The following MTERF4 variants were observed in gnomAD, a reference collection of about 807,000 sequenced individuals.
MTERF4 encodes transcription termination factor 4, mitochondrial.
Under a neutral mutation model 22.5 loss-of-function variants are expected in MTERF4, and 17 were observed. The observed-to-expected ratio is 0.75, with a 90% CI of 0.52 to 1.13. The LOEUF is 1.13. MTERF4 is among the 50% of genes most tolerant of loss of function. The probability of loss-of-function intolerance (pLI) is 0.00; values close to 1 mark genes in which losing one functional copy is unlikely to be tolerated. For synonymous variants in MTERF4, 165 were observed against 175.3 expected (o/e 0.94, Z 0.47); for missense variants, 420 against 466.8 (o/e 0.90, Z 0.92).
intron 1 of MTERF4, chr2:241,101,118 G>A (rs1254781499): frequency 2.2e-6 from 1 of 458,438 alleles, no homozygotes; most frequent in East Asian, 7.1e-5. Context: ...CTTTATTTCT[G>A]TTATTTTCAC....
chr2:241,049,084 C>A, the MTERF4 span: 1 of 1,613,340 alleles, frequency 6.2e-7, no homozygotes, highest in African/African-American at 1.3e-5. Flanking sequence ...CTGCATGGAG[C>A]ACGGCGGGAG....
At chr2:241,094,092 T>C (rs1426977438), downstream of MTERF4, 2 of 348,192 alleles carry the variant, frequency 5.7e-6, no homozygotes, top group East Asian at 1.6e-4. This position sits in a 1 kb window ranked among gnomAD's most constrained non-coding sequence, Gnocchi z 4.3. Context: ...ATGAAAACAC[T>C]GGCACAGTGA....
At position 241,099,582 on chromosome 2, in the gene MTERF4, A is replaced by G. The variant is rs2064607728; in HGVS notation, c.334T>C (p.Leu112=). 3 of 1,614,066 alleles carry G rather than the reference A, an allele frequency of 1.9e-6. No homozygotes were observed. Residue 112 remains leucine, a synonymous_variant, in exon 2 of 4, where the codon TTG becomes CTG. Transcript: ENST00000391980. ...MGFSNAHINE[L]LSVRRGASLQ... is the part of the protein sequence containing the mutation. ...CTGGCACCTCGCCGTACACTGAGCA[A>G]TTCATTAATATGGGCATTGCTGAAA...
intron 4 of MTERF4, among the ~76,000 whole-genome samples, chr2:241,078,382 CAAAAA>C (rs60965517): frequency 5.2e-5 from 6 of 116,172 alleles, no homozygotes; most frequent in South Asian, 2.8e-4. Flanking sequence ...GACTCCGTCT[CAAAAA>C]AAAAAAAAAA....
chr2:241,099,928 C>T (rs1479536410), intron 1 of MTERF4, 34 bp from the exon 2 acceptor site: 3 of 1,597,856 alleles, frequency 1.9e-6, no homozygotes, highest in Non-Finnish European at 2.5e-6. Context: ...CAATTAATTC[C>T]TCACTATTCC....
At chr2:241,093,904 C>T (rs2064211168), downstream of MTERF4, 1 of 153,248 alleles carries the variant, frequency 6.5e-6, no homozygotes, top group Non-Finnish European at 1.5e-5. Context: ...ATTTCTGTAT[C>T]AAAATGAAAG....
the MTERF4 span, chr2:241,065,225 C>T: frequency 3.3e-5 from 49 of 1,503,988 alleles, no homozygotes; most frequent in African/African-American, 2.5e-4. Flanking sequence ...CCGGCTGAGC[C>T]GCCGACGGGA....
chr2:241,079,001 C>A (rs937943966), intron 4 of MTERF4, among the ~76,000 whole-genome samples: 1 of 150,918 alleles, frequency 6.6e-6, no homozygotes, highest in South Asian at 2.1e-4. Context: ...ATAATCCCAG[C>A]TATTCAGGAG....
chr2:241,072,673 C>G (rs951336670), exon 5 of MTERF4: 1 of 205,892 alleles, frequency 4.9e-6, no homozygotes. Flanking sequence ...AGAGAGCCCC[C>G]AGCAAGGTGT....
At chr2:241,087,541 G>A (rs1482449875), downstream of MTERF4, 10 of 1,526,838 alleles carry the variant, frequency 6.5e-6, no homozygotes, top group African/African-American at 1.5e-5. Flanking sequence ...GGGCAAGGGC[G>A]GGGTGCTATG....
rs1249649463 is a variant in MTERF4, at chr2:241,102,246, A to G, written c.21+7T>C. The G allele has an allele frequency of 3.9e-6, 6 of 1,549,300 alleles. No individual in the cohort carries two copies. The highest frequency in any genetic ancestry group is 5.2e-6 in the Non-Finnish European group (6 of 1,146,154). ...CGGAGAAGCCCGCGCGCCCAGCTCG[A>G]GCTTACCTGACGGCCGAACGCAGCC... On this transcript the variant is annotated splice_region_variant and intron_variant, in intron 1 of 3. Transcript: ENST00000391980.
At chr2:241,094,835 C>T (rs2064290469), downstream of MTERF4, 1 of 163,490 alleles carries the variant, frequency 6.1e-6, no homozygotes. This position sits in a 1 kb window ranked among gnomAD's most constrained non-coding sequence, Gnocchi z 4.3. Flanking sequence ...ATTTTGGTCC[C>T]ATCATCAAAA....
downstream of MTERF4, chr2:241,089,420 A>AAAAC (rs774998438): frequency 2.6e-6 from 4 of 1,550,058 alleles, no homozygotes; most frequent in Middle Eastern, 5.0e-4. Context: ...AAACAGAAGC[A>AAAAC]AAACAGCTTT....
At chr2:241,065,241 G>C in the MTERF4 span, 1 of 1,578,696 alleles carries the variant, frequency 6.3e-7, no homozygotes, top group Non-Finnish European at 8.6e-7. Context: ...CGGGAGCCAG[G>C]CATGCATAGC....
At chr2:241,070,152 G>A (rs760651876), downstream of MTERF4, 72 of 1,608,450 alleles carry the variant, frequency 4.5e-5, no homozygotes, top group African/African-American at 1.9e-4. Context: ...TGCAGAGCAC[G>A]GAGCTCGGGC....
chr2:241,090,374 T>C, downstream of MTERF4: 1 of 1,550,298 alleles, frequency 6.5e-7, no homozygotes. Flanking sequence ...TGATGCCTTC[T>C]TCTGGAAACC....
intron 4 of MTERF4, among the ~76,000 whole-genome samples, chr2:241,078,200 C>T (rs912280330): frequency 9.3e-5 from 14 of 151,238 alleles, no homozygotes; most frequent in Admixed American, 5.9e-4. Context: ...CTGGCCAACG[C>T]GGTGAAACCC....
At chr2:241,043,674 A>G in the MTERF4 span, among the ~76,000 whole-genome samples, 1 of 152,242 alleles carries the variant, frequency 6.6e-6, no homozygotes, top group Admixed American at 6.5e-5. Flanking sequence ...GCAGAAATAA[A>G]ATAGATGACT....
intron 4 of MTERF4, among the ~76,000 whole-genome samples, chr2:241,076,802 G>A (rs1325254530): frequency 2.0e-5 from 3 of 151,866 alleles, no homozygotes; most frequent in African/African-American, 7.3e-5. Flanking sequence ...AAAGAACTGA[G>A]AGTCCAGGGC....
Sources: gnomAD v4.1 joint callset for allele counts (sites outside exome capture counted in the v4.1 genomes callset) on GRCh38, gnomAD v4.1.1 for gene constraint, Gnocchi (gnomAD v3.1) non-coding constraint, MANE v1.5 for transcripts, NCBI Gene and HGNC (gene_info 2026-07-23, HGNC 2026-07-21) for gene names.